PCDH15: variants seen among roughly 807,000 people sequenced by gnomAD.
PCDH15 encodes the protein protocadherin-15.
A neutral mutation model predicts 178.5 loss-of-function variants in PCDH15; 129 were observed. The ratio of observed to expected loss-of-function variants is 0.72; its 90% confidence interval spans 0.63 to 0.84. The LOEUF (loss-of-function observed/expected upper bound fraction) is 0.84. PCDH15 is among the 40% of genes least tolerant of loss of function. The pLI is 0.00. For synonymous variants in PCDH15, 800 were observed against 732.0 expected, an observed-to-expected ratio of 1.09 and a Z score of -1.50; for missense variants, 2,230 against 2,099.9, an observed-to-expected ratio of 1.06 and a Z score of -1.21.
intron 3 of PCDH15, among the ~76,000 whole-genome samples, chr10:54,525,432 C>T (rs1003747613): frequency 6.6e-6 from 1 of 152,112 alleles, no homozygotes; most frequent in African/African-American, 2.4e-5. Flanking sequence ...GAGTATAGAG[C>T]AAGGCTAAAA....
intron 2 of PCDH15, among the ~76,000 whole-genome samples, chr10:55,092,313 T>A (rs1410688377): frequency 4.6e-5 from 7 of 151,836 alleles, no homozygotes; most frequent in Admixed American, 2.6e-4. Context: ...TAAAGCTATG[T>A]CTCCTCAGGT....
At chr10:54,442,390 T>TA (rs71461241) in intron 3 of PCDH15, among the ~76,000 whole-genome samples, 836 of 26,560 alleles carry the variant, frequency 0.031, 29 homozygotes, top group African/African-American at 0.092. Context: ...CCTTTTTTTT[T>TA]AAAAAAAAAA....
At chr10:53,857,404 ATT>A in intron 27 of PCDH15, 141 bp from the exon 28 acceptor site, 2 of 609,612 alleles carry the variant, frequency 3.3e-6, no homozygotes, top group Non-Finnish European at 5.9e-6. Context: ...ATATATATAC[ATT>A]TTTAATTATA....
At chr10:54,911,796 C>T (rs1954822951) in intron 2 of PCDH15, among the ~76,000 whole-genome samples, 1 of 152,114 alleles carries the variant, frequency 6.6e-6, no homozygotes, top group African/African-American at 2.4e-5. Context: ...TCTCTCTTGC[C>T]ACCTTGTTAC....
At chr10:54,100,769 G>A (rs886723513) in intron 15 of PCDH15, among the ~76,000 whole-genome samples, 1 of 152,052 alleles carries the variant, frequency 6.6e-6, no homozygotes, top group African/African-American at 2.4e-5. Context: ...CATATAGTAA[G>A]TGATATGATA....
At position 54,237,422 on chromosome 10, in the gene PCDH15, A is replaced by G. The variant is rs535246620; in HGVS notation, c.877-491T>C. Among the ~76,000 whole-genome samples the G allele has an allele frequency of 1.3e-5, 2 of 152,288 alleles. 1 individual carries two copies. Among genetic ancestry groups the G allele is most frequent in the South Asian group, 4.1e-4 (2 of 4,832 alleles). On this transcript the variant is annotated intron_variant, in intron 8 of 37. Coordinates refer to ENST00000644397, the MANE Select transcript of PCDH15 (RefSeq NM_001384140.1). ...TAAAAGTCACATTATTGCAAATTTCATATAATTAAAATTGATTTTAAATAT... is the reference window on the plus strand; with the variant it reads ...TAAAAGTCACATTATTGCAAATTTCGTATAATTAAAATTGATTTTAAATAT...
Position 55,176,228 on chromosome 10 carries a change from C to T in PCDH15, c.-155-9577G>A, listed in dbSNP as rs140237699. 5.7e-4 allele frequency among the ~76,000 whole-genome samples: 87 copies of T among 152,144 alleles called. 1 individual carries two copies. In the East Asian group the frequency reaches 9.7e-3, roughly 17 times the overall value. On this transcript the variant is annotated intron_variant, in intron 1 of 5. Coordinates refer to the PCDH15 transcript ENST00000458638. ...TACGACCATGAGGGGTGTCTCAGGA[C>T]GATACTTTTCCCAACCCATTAGTTG...
rs181999494 is a variant in PCDH15 at position 54,753,479 on chromosome 10, G to A, written c.-29+47446C>T. On this transcript the variant is annotated intron_variant, in intron 1 of 37. Coordinates refer to ENST00000644397, the MANE Select transcript of PCDH15 (RefSeq NM_001384140.1). ...ATTACAGGCGTGAGCCACCAGGTCC[G>A]GCAGAGGCATGAATTAAAAACAAAC... is the stretch of plus-strand genomic sequence containing the variant. 2.2e-3 allele frequency among the ~76,000 whole-genome samples: 339 copies of A among 152,098 alleles called. 3 individuals are homozygous for A. Among genetic ancestry groups the A allele is most frequent in the African/African-American group, 6.6e-3 (272 of 41,480 alleles).
chr10:54,218,442 A>ACTT (rs2052355808), intron 9 of PCDH15, among the ~76,000 whole-genome samples: 1 of 151,832 alleles, frequency 6.6e-6, no homozygotes. Context: ...CCTTTTAAGA[A>ACTT]GGTAATCAGA....
rs192306166 is a variant in PCDH15, at chr10:55,314,549, G to A, written c.-156+5050C>T. On this transcript the variant is annotated intron_variant, in intron 1 of 5. Transcript: ENST00000458638. ...GCCTGGGTTTGTCGCCACAATATTC[G>A]TCATTATATATATTACAGAGCTCTC... is the stretch of plus-strand genomic sequence containing the variant. Among the ~76,000 whole-genome samples the A allele has an allele frequency of 3.7e-3, 546 of 146,814 alleles. 4 individuals are homozygous for A. Among genetic ancestry groups the A allele is most frequent in the Middle Eastern group, 0.014 (4 of 284 alleles).
chr10:54,571,773 A>AT (rs1220684265), intron 2 of PCDH15, among the ~76,000 whole-genome samples: 1 of 152,106 alleles, frequency 6.6e-6, no homozygotes, highest in African/African-American at 2.4e-5. Context: ...CATTTCATCT[A>AT]ATTTTAGCAG....
chr10:54,775,365 T>C (rs1446747094), intron 1 of PCDH15, among the ~76,000 whole-genome samples: 1 of 152,210 alleles, frequency 6.6e-6, no homozygotes, highest in South Asian at 2.1e-4. Flanking sequence ...TATTGACACA[T>C]AATAGTTATA....
chr10:55,307,581 C>A (rs1843462524), intron 1 of PCDH15, among the ~76,000 whole-genome samples: 1 of 151,162 alleles, frequency 6.6e-6, no homozygotes, highest in Non-Finnish European at 1.5e-5. Context: ...TACATTTTAT[C>A]TTTTCTTTTC....
chr10:53,808,669 A>ACTT, intron 37 of PCDH15: 1 of 1,603,332 alleles, frequency 6.2e-7, no homozygotes, highest in Non-Finnish European at 8.5e-7. Flanking sequence ...TCACAGCAAA[A>ACTT]CTTCCACCTA....
At chr10:55,062,036 A>C (rs1282428955) in intron 2 of PCDH15, among the ~76,000 whole-genome samples, 1 of 152,184 alleles carries the variant, frequency 6.6e-6, no homozygotes, top group Non-Finnish European at 1.5e-5. Flanking sequence ...TAAATAAATA[A>C]AAATTAAACA....
chr10:55,555,138 C>G lies in PCDH15; in HGVS notation c.-156+72487G>C, dbSNP rs1194661709. ...ATCTTTGGGATCATAGAAGCTATTT[C>G]TAAACCAATTAAAATTATTACCAGT... is the stretch of plus-strand genomic sequence containing the variant. On this transcript the variant is annotated intron_variant, in intron 2 of 5. Transcript: ENST00000613346. Among the ~76,000 whole-genome samples, 5 of 151,992 alleles carry G rather than the reference C, an allele frequency of 3.3e-5. No homozygotes were observed. In the East Asian group the frequency reaches 9.6e-4, roughly 29 times the overall value.
In PCDH15 at chr10:54,793,695, T is replaced by C. The variant is rs563007093; in HGVS notation, c.-29+7230A>G. On this transcript the variant is annotated intron_variant, in intron 1 of 37. Coordinates refer to ENST00000644397, the MANE Select transcript of PCDH15 (RefSeq NM_001384140.1). ...ATATATACACACATATATATACATATATAAACATATATATACATATATATA... is the reference window on the plus strand; with the variant it reads ...ATATATACACACATATATATACATACATAAACATATATATACATATATATA... Among the ~76,000 whole-genome samples the C allele has an allele frequency of 2.4e-3, 351 of 148,250 alleles. 1 individual carries two copies. The highest frequency in any genetic ancestry group is 3.9e-3 in the Non-Finnish European group (264 of 67,184).
At chr10:55,472,888 T>C (rs1450128063) in intron 2 of PCDH15, among the ~76,000 whole-genome samples, 3 of 152,204 alleles carry the variant, frequency 2.0e-5, no homozygotes, top group Admixed American at 1.3e-4. Context: ...CCAAGTTTTC[T>C]TTATTAAAAG....
chr10:55,012,726 C>T (rs981600791), intron 2 of PCDH15, among the ~76,000 whole-genome samples: 4 of 151,964 alleles, frequency 2.6e-5, no homozygotes, highest in Admixed American at 6.6e-5. Flanking sequence ...ATTTCTGACT[C>T]CTTTGAAGAT....
Sources: gnomAD v4.1 joint callset for allele counts (sites outside exome capture counted in the v4.1 genomes callset) on GRCh38, gnomAD v4.1.1 for gene constraint, MANE v1.5 for transcripts, NCBI Gene and HGNC (gene_info 2026-07-23, HGNC 2026-07-21) for gene names.